Variants in NAALAD2 observed in about 807,000 individuals in gnomAD.
NAALAD2 encodes the protein N-acetylated-alpha-linked acidic dipeptidase 2.
NAALAD2 carries 89 observed loss-of-function variants against 95.6 expected under a neutral mutation model. The ratio of observed to expected loss-of-function variants is 0.93; its 90% CI spans 0.78 to 1.11. NAALAD2 has a LOEUF of 1.11. Among genes scored for constraint, NAALAD2 ranks in the 50% least tolerant of loss-of-function variants. NAALAD2 has a pLI of 0.00. For synonymous variants in NAALAD2, 264 were observed against 294.4 expected (o/e 0.90, Z 1.06); for missense variants, 894 against 872.4 (o/e 1.02, Z -0.31).
At chr11:90,166,111 A>G (rs924650419) in intron 11 of NAALAD2, among the ~76,000 whole-genome samples, 4 of 152,222 alleles carry the variant, frequency 2.6e-5, no homozygotes, top group African/African-American at 9.6e-5. Context: ...CACCTGGCCT[A>G]TGCAGGCAAG....
At chr11:90,147,584 G>A in intron 3 of NAALAD2, 68 bp downstream of exon 3, 1 of 1,377,004 alleles carries the variant, frequency 7.3e-7, no homozygotes, top group Non-Finnish European at 1.0e-6. Flanking sequence ...GTAATGTAGG[G>A]TCAAGTAAAA....
At chr11:90,134,954 G>A in intron 1 of NAALAD2, 114 bp downstream of exon 1, 2 of 1,171,720 alleles carry the variant, frequency 1.7e-6, no homozygotes, top group Non-Finnish European at 2.5e-6. Context: ...CTGGCCGGCT[G>A]GGCTAGATAT....
chr11:90,155,056 A>G lies in NAALAD2; in HGVS notation c.796+2572A>G, dbSNP rs920531337. 8.7e-5 allele frequency among the ~76,000 whole-genome samples: 11 copies of G among 125,882 alleles called. No homozygotes were observed. In the South Asian group the frequency reaches 2.3e-3, roughly 26 times the overall value. The allele number at this position is 125,882 out of a possible 152,430, so 82.6% of individuals were successfully genotyped here. A position where few individuals can be genotyped will look rare whatever the true frequency, so the allele number is the denominator to read the frequency against. Reference sequence around the variant, plus strand: ...GTATATATGTGTGTATATATTATATACATATACATATGTATATATGTGTGT... The same window carrying G: ...GTATATATGTGTGTATATATTATATGCATATACATATGTATATATGTGTGT... On this transcript the variant is annotated intron_variant, in intron 6 of 18. Transcript: ENST00000534061.
chr11:90,168,969 T>C lies in NAALAD2; in HGVS notation c.1319T>C (p.Ile440Thr). The C allele has an allele frequency of 6.2e-7, 1 of 1,606,326 alleles. No individual in the cohort carries two copies. The change falls in exon 12 of 19, where the codon ATC (isoleucine) becomes ACC (threonine). Residue 440 changes from isoleucine (I) to threonine (T), a missense_variant. Ile to Thr is a moderately conservative substitution (Grantham distance 89, BLOSUM62 -1). Transcript: ENST00000534061. ...CTCCAGGAGAGAAGCATTGCTTATA[T>C]CAACTCGGATTCATCTATAGAAGGT... is the stretch of plus-strand genomic sequence containing the variant. The part of the protein sequence containing the change: ...KILQERSIAY[I>T]NSDSSIEGNY...
At chr11:90,154,694 A>G (rs1481115840) in intron 6 of NAALAD2, among the ~76,000 whole-genome samples, 1 of 151,134 alleles carries the variant, frequency 6.6e-6, no homozygotes, top group African/African-American at 2.4e-5. Context: ...TTTATAAAGA[A>G]TGGGTTCAAT....
intron 16 of NAALAD2, among the ~76,000 whole-genome samples, chr11:90,179,288 A>G (rs901560146): frequency 1.3e-5 from 2 of 152,174 alleles, no homozygotes; most frequent in Admixed American, 6.5e-5. Context: ...ACCAAGTACT[A>G]TGTTATTACC....
chr11:90,184,209 A>AACATATATTAT (rs1857055003), intron 18 of NAALAD2, among the ~76,000 whole-genome samples: 1 of 152,180 alleles, frequency 6.6e-6, no homozygotes, highest in African/African-American at 2.4e-5. Context: ...CCTTTCTTAT[A>AACATATATTAT]AATGTTAATG....
At position 90,149,734 on chromosome 11, in the gene NAALAD2, G is replaced by A. The variant is rs536760799; in HGVS notation, c.483+627G>A. Among the ~76,000 whole-genome samples, 24 of 152,048 alleles carry A rather than the reference G, an allele frequency of 1.6e-4. No homozygotes were observed. The South Asian group carries it at 4.8e-3, about 30-fold the overall frequency. On this transcript the variant is annotated intron_variant, in intron 4 of 18. Coordinates refer to ENST00000534061, the MANE Select transcript of NAALAD2 (RefSeq NM_005467.4). ...ATTACAGGCGTGAGCTACCGCTTCCGCCCAGCAGTAGGTGTTTTTACAAGC... is the reference window on the plus strand; with the variant it reads ...ATTACAGGCGTGAGCTACCGCTTCCACCCAGCAGTAGGTGTTTTTACAAGC...
chr11:90,185,207 G>A (rs531360561), intron 18 of NAALAD2, among the ~76,000 whole-genome samples: 2 of 151,292 alleles, frequency 1.3e-5, no homozygotes, highest in East Asian at 1.9e-4. Flanking sequence ...CCATAAAAGT[G>A]TACACACACA....
At chr11:90,163,126 T>G in intron 9 of NAALAD2, 92 bp downstream of exon 9, 1 of 1,210,222 alleles carries the variant, frequency 8.3e-7, no homozygotes, top group Non-Finnish European at 1.2e-6. Context: ...AGTGGGGTTT[T>G]TTGGCTGATT....
At chr11:90,169,959 T>C (rs1345594699) in intron 12 of NAALAD2, 110 bp from the exon 13 acceptor site, 5 of 749,106 alleles carry the variant, frequency 6.7e-6, no homozygotes, top group African/African-American at 1.8e-5. Context: ...AAATCTTTGA[T>C]TTGAAGATCA....
In NAALAD2 at chr11:90,172,997, G is replaced by T. The variant is rs541833147; in HGVS notation, c.1411-827G>T. Among the ~76,000 whole-genome samples, 9 of 152,168 alleles carry T rather than the reference G, an allele frequency of 5.9e-5. No individual in the cohort carries two copies. In the East Asian group the frequency reaches 9.7e-4, roughly 16 times the overall value. ...TGGGTCTATTTTTGAGCAAATCAGTGTTATAAACAAACAAGAAAACAAAAT... is the reference window on the plus strand; with the variant it reads ...TGGGTCTATTTTTGAGCAAATCAGTTTTATAAACAAACAAGAAAACAAAAT... On this transcript the variant is annotated intron_variant, in intron 13 of 18. Coordinates refer to ENST00000534061, the MANE Select transcript of NAALAD2 (RefSeq NM_005467.4).
intron 4 of NAALAD2, among the ~76,000 whole-genome samples, chr11:90,149,386 C>T (rs1256209691): frequency 1.3e-5 from 2 of 152,106 alleles, no homozygotes; most frequent in East Asian, 1.9e-4. Context: ...CTGAACATGC[C>T]TTTCAGTGAG....
intron 15 of NAALAD2, among the ~76,000 whole-genome samples, chr11:90,176,785 T>TTA (rs1952803358): frequency 6.6e-6 from 1 of 152,222 alleles, no homozygotes; most frequent in Admixed American, 6.5e-5. Flanking sequence ...TGCTTGCCCA[T>TTA]TATATGTATA....
At chr11:90,144,414 A>C (rs1466755011) in intron 2 of NAALAD2, among the ~76,000 whole-genome samples, 1 of 152,134 alleles carries the variant, frequency 6.6e-6, no homozygotes, top group Non-Finnish European at 1.5e-5. Flanking sequence ...AACAGCCGGC[A>C]TGTGAGCAGG....
chr11:90,179,712 T>C (rs960729194), intron 16 of NAALAD2, among the ~76,000 whole-genome samples: 39 of 152,248 alleles, frequency 2.6e-4, no homozygotes, highest in African/African-American at 8.9e-4. Flanking sequence ...ATTCCCTGAT[T>C]TCCTTTTGGT....
chr11:90,153,471 A>G (rs757496826), intron 6 of NAALAD2, among the ~76,000 whole-genome samples: 18 of 152,112 alleles, frequency 1.2e-4, no homozygotes, highest in Non-Finnish European at 1.9e-4. Flanking sequence ...TTTCAATTCT[A>G]CATTCTAACA....
At chr11:90,187,445 G>A (rs1276571170) in intron 18 of NAALAD2, among the ~76,000 whole-genome samples, 1 of 152,036 alleles carries the variant, frequency 6.6e-6, no homozygotes, top group East Asian at 1.9e-4. Flanking sequence ...TTATGTTTTA[G>A]TCTACTGCAG....
At chr11:90,181,358 T>C (rs1317392135) in intron 16 of NAALAD2, among the ~76,000 whole-genome samples, 3 of 152,176 alleles carry the variant, frequency 2.0e-5, no homozygotes, top group Non-Finnish European at 2.9e-5. Context: ...TCTGGGTTTC[T>C]GGTAAACTAT....
Sources: gnomAD v4.1 joint callset for allele counts (sites outside exome capture counted in the v4.1 genomes callset) on GRCh38, gnomAD v4.1.1 for gene constraint, MANE v1.5 for transcripts, NCBI Gene and HGNC (gene_info 2026-07-23, HGNC 2026-07-21) for gene names.